Variants in ZCWPW2 observed in about 807,000 individuals in gnomAD.
ZCWPW2 encodes the protein zinc finger CW-type PWWP domain protein 2.
A neutral mutation model predicts 46.6 loss-of-function variants in ZCWPW2; 45 were observed. The ratio of observed to expected loss-of-function variants is 0.96; its 90% CI spans 0.76 to 1.24. The LOEUF (loss-of-function observed/expected upper bound fraction) is 1.24, where lower values mean the gene tolerates loss of function less well. Ranked by LOEUF, ZCWPW2 falls within the 50% of genes most tolerant of loss-of-function variation. The pLI, the probability that ZCWPW2 is intolerant of heterozygous loss-of-function variation, is 0.00. For synonymous variants in ZCWPW2, 152 were observed against 137.1 expected (o/e 1.11, Z -0.76); for missense variants, 429 against 403.9 (o/e 1.06, Z -0.53).
chr3:28,394,734 C>T (rs748409216), intron 2 of ZCWPW2, among the ~76,000 whole-genome samples: 17 of 152,068 alleles, frequency 1.1e-4, no homozygotes, highest in Non-Finnish European at 1.8e-4. Flanking sequence ...GGACCATTAT[C>T]TTACATCATA....
intron 6 of ZCWPW2, among the ~76,000 whole-genome samples, chr3:28,494,832 C>T (rs1699932344): frequency 7.3e-6 from 1 of 137,490 alleles, no homozygotes; most frequent in Non-Finnish European, 1.6e-5. Context: ...TTCACAATTG[C>T]TTCAAAGAGA....
At chr3:28,409,868 GAACTAA>G (rs1030791612) in intron 2 of ZCWPW2, among the ~76,000 whole-genome samples, 8 of 152,028 alleles carry the variant, frequency 5.3e-5, no homozygotes, top group Non-Finnish European at 7.4e-5. Context: ...CAAAGTAAAT[GAACTAA>G]AATCACTGGT....
At chr3:28,361,054 C>A (rs1370854774) in intron 1 of ZCWPW2, among the ~76,000 whole-genome samples, 3 of 152,030 alleles carry the variant, frequency 2.0e-5, no homozygotes, top group African/African-American at 7.2e-5. Context: ...GGGTCCCATC[C>A]TCAAGATGTA....
At chr3:28,423,225 T>C (rs1048234426) in intron 3 of ZCWPW2, among the ~76,000 whole-genome samples, 11 of 152,040 alleles carry the variant, frequency 7.2e-5, no homozygotes, top group African/African-American at 2.4e-4. Flanking sequence ...TGCTTTATCA[T>C]TTTTTTCTGT....
chr3:28,368,354 G>T (rs1705198781), intron 1 of ZCWPW2, among the ~76,000 whole-genome samples: 2 of 152,160 alleles, frequency 1.3e-5, no homozygotes, highest in Admixed American at 1.3e-4. Flanking sequence ...AAGAGGCCTG[G>T]TGGTGACAAA....
intron 1 of ZCWPW2, among the ~76,000 whole-genome samples, chr3:28,386,617 A>G (rs1023182780): frequency 6.6e-6 from 1 of 152,180 alleles, no homozygotes; most frequent in Non-Finnish European, 1.5e-5. Context: ...CCATTTAAAC[A>G]ATTTTGATGG....
intron 3 of ZCWPW2, among the ~76,000 whole-genome samples, chr3:28,420,268 G>T (rs758609017): frequency 1.3e-5 from 2 of 151,734 alleles, no homozygotes; most frequent in Non-Finnish European, 2.9e-5. Context: ...TTTCTCTTGT[G>T]GGCATTTAGT....
intron 5 of ZCWPW2, among the ~76,000 whole-genome samples, chr3:28,483,257 G>A (rs1699490877): frequency 6.6e-6 from 1 of 152,132 alleles, no homozygotes; most frequent in Non-Finnish European, 1.5e-5. Flanking sequence ...CTACTCCATT[G>A]TATCACCTTT....
intron 6 of ZCWPW2, among the ~76,000 whole-genome samples, chr3:28,512,949 G>T (rs892931603): frequency 2.6e-5 from 4 of 152,090 alleles, no homozygotes; most frequent in Non-Finnish European, 5.9e-5. Flanking sequence ...AATCATAAAT[G>T]TAGATAAAAT....
intron 4 of ZCWPW2, among the ~76,000 whole-genome samples, chr3:28,437,905 A>G (rs1320990789): frequency 6.6e-6 from 1 of 152,210 alleles, no homozygotes; most frequent in Admixed American, 6.5e-5. Context: ...ACAATCAGAC[A>G]CTGGCAGAAT....
chr3:28,381,000 GTATATATATATATATATATATTTGGTA>G (rs1695059365), intron 1 of ZCWPW2, among the ~76,000 whole-genome samples: 3 of 4,566 alleles, frequency 6.6e-4, no homozygotes, highest in African/African-American at 1.1e-3. Context: ...TATATATTTG[GTATATATATATATATATATATTTGGTA>G]TATATATATA....
At chr3:28,359,196 A>AT (rs1188102926) in intron 1 of ZCWPW2, among the ~76,000 whole-genome samples, 3 of 152,142 alleles carry the variant, frequency 2.0e-5, no homozygotes, top group African/African-American at 7.2e-5. Context: ...ATTGTTGTGT[A>AT]TTTTAAATTC....
chr3:28,381,699 T>C lies in ZCWPW2; in HGVS notation c.-133-8799T>C, dbSNP rs139052514. 2.5e-3 allele frequency among the ~76,000 whole-genome samples: 385 copies of C among 152,076 alleles called. 1 individual carries two copies. The highest frequency in any genetic ancestry group is 8.4e-3 in the African/African-American group (349 of 41,460). On this transcript the variant is annotated intron_variant, in intron 1 of 9. Coordinates refer to ENST00000383768, the MANE Select transcript of ZCWPW2 (RefSeq NM_001040432.4). ...CTAGTCAGGAGGCTGAGTGGGAGGA[T>C]TGCATGAGTCCAGGAGTTCGAGGCT...
At position 28,458,161 on chromosome 3, in the gene ZCWPW2, C is replaced by G. The variant is rs938462843; in HGVS notation, c.493-20653C>G. ...TTTGTAGCAGCTTAACACACAAACTCTCTAGGTTGTCTGTTATGAATTACA... is the reference window on the plus strand; with the variant it reads ...TTTGTAGCAGCTTAACACACAAACTGTCTAGGTTGTCTGTTATGAATTACA... On this transcript the variant is annotated intron_variant, in intron 4 of 9. Transcript: ENST00000383768. 4.6e-5 allele frequency among the ~76,000 whole-genome samples: 7 copies of G among 152,102 alleles called. 1 individual carries two copies. Among genetic ancestry groups the G allele is most frequent in the African/African-American group, 1.7e-4 (7 of 41,424 alleles).
intron 4 of ZCWPW2, among the ~76,000 whole-genome samples, chr3:28,473,291 C>G (rs1699108128): frequency 6.6e-6 from 1 of 152,068 alleles, no homozygotes; most frequent in African/African-American, 2.4e-5. Flanking sequence ...GCCCGCCCAA[C>G]ATGACAAACT....
At chr3:28,523,182 T>A (rs1700768629) in intron 9 of ZCWPW2, among the ~76,000 whole-genome samples, 1 of 152,178 alleles carries the variant, frequency 6.6e-6, no homozygotes, top group African/African-American at 2.4e-5. Context: ...AGTGTAAAAA[T>A]TAGCAATTTT....
chr3:28,492,142 A>G lies in ZCWPW2; in HGVS notation c.626A>G (p.His209Arg), dbSNP rs1575203411. Residue 209 changes from histidine (H) to arginine (R), a missense_variant, in exon 6 of 10, where the codon CAT (histidine) becomes CGT (arginine). Coordinates refer to ENST00000383768, the MANE Select transcript of ZCWPW2 (RefSeq NM_001040432.4). Reference protein sequence around the residue: ...LSKLQDKSETHDKVAALVKKR... With the variant: ...LSKLQDKSETRDKVAALVKKR... The stretch of plus-strand genomic sequence containing the variant: ...TGTCTTACAGATAAATCCGAAACAC[A>G]TGACAAAGTTGCTGCACTGGTCAAG... The G allele has an allele frequency of 6.2e-7, 1 of 1,610,022 alleles. No individual in the cohort carries two copies. Among genetic ancestry groups the G allele is most frequent in the Non-Finnish European group, 8.5e-7 (1 of 1,178,288 alleles).
chr3:28,489,325 T>C (rs1174715764), intron 5 of ZCWPW2, among the ~76,000 whole-genome samples: 5 of 151,924 alleles, frequency 3.3e-5, no homozygotes, highest in Non-Finnish European at 7.4e-5. Flanking sequence ...GAACAAAGAG[T>C]AAATTTACTT....
intron 1 of ZCWPW2, among the ~76,000 whole-genome samples, chr3:28,352,879 A>G (rs938662981): frequency 6.6e-6 from 1 of 152,176 alleles, no homozygotes; most frequent in Admixed American, 6.5e-5. Context: ...TGCATTTCCA[A>G]TAAAAGCTTT....
Sources: gnomAD v4.1 joint callset for allele counts (sites outside exome capture counted in the v4.1 genomes callset) on GRCh38, gnomAD v4.1.1 for gene constraint, MANE v1.5 for transcripts, NCBI Gene and HGNC (gene_info 2026-07-23, HGNC 2026-07-21) for gene names.